SRPK2: variants seen among roughly 807,000 people sequenced by gnomAD.
SRPK2 encodes SRSF protein kinase 2.
In SRPK2, 21 loss-of-function variants were observed where a neutral mutation model predicts 90.8. That is an observed-to-expected ratio of 0.23 (90% confidence interval 0.16 to 0.33). The LOEUF is 0.33. SRPK2 is among the 10% of genes least tolerant of loss of function. The probability of loss-of-function intolerance (pLI) is 1.00; values close to 1 mark genes in which losing one functional copy is unlikely to be tolerated. For missense variants in SRPK2, 620 were observed against 869.0 expected (o/e 0.71, Z 3.60); for synonymous variants, 288 against 311.1 (o/e 0.93, Z 0.78).
chr7:105,176,557 A>ATGTGTGTGTGTGTG (rs10691783), intron 3 of SRPK2, among the ~76,000 whole-genome samples: 64 of 148,134 alleles, frequency 4.3e-4, no homozygotes, highest in African/African-American at 1.4e-3. Flanking sequence ...TTTTGCATAT[A>ATGTGTGTGTGTGTG]TGTGTGTGTG....
At chr7:105,148,716 G>C (rs1435564878) in intron 7 of SRPK2, among the ~76,000 whole-genome samples, 1 of 152,156 alleles carries the variant, frequency 6.6e-6, no homozygotes, top group Non-Finnish European at 1.5e-5. Flanking sequence ...TTTTGAAAAA[G>C]ACCTGTACTT....
chr7:105,149,508 A>G (rs1344726544), intron 7 of SRPK2, among the ~76,000 whole-genome samples: 9 of 152,166 alleles, frequency 5.9e-5, no homozygotes, highest in African/African-American at 1.9e-4. Context: ...GAACTCAGAG[A>G]CCGGTGCCGG....
chr7:105,168,145 A>G (rs1344884959), intron 4 of SRPK2, 50 bp from the exon 5 acceptor site: 2 of 1,428,138 alleles, frequency 1.4e-6, no homozygotes, highest in African/African-American at 1.4e-5. Flanking sequence ...TATCAGTAGA[A>G]AGAATCACTG....
intron 7 of SRPK2, among the ~76,000 whole-genome samples, chr7:105,155,567 C>T (rs1170344116): frequency 1.3e-5 from 2 of 151,970 alleles, no homozygotes; most frequent in East Asian, 1.9e-4. Flanking sequence ...GGGGTAGATG[C>T]CAGGGACGCT....
At chr7:105,170,794 A>AC (rs1563024498) in intron 3 of SRPK2, among the ~76,000 whole-genome samples, 6 of 74,556 alleles carry the variant, frequency 8.0e-5, no homozygotes, top group East Asian at 4.2e-4. Context: ...GGAGGGAGGG[A>AC]GGGAGGGAGG....
At chr7:105,197,552 C>T (rs190374363) in intron 3 of SRPK2, among the ~76,000 whole-genome samples, 69 of 152,224 alleles carry the variant, frequency 4.5e-4, no homozygotes, top group Middle Eastern at 6.8e-3. Context: ...AGAGAAAATG[C>T]CTTTATCCAA....
chr7:105,382,922 T>C (rs1191832434), intron 2 of SRPK2, among the ~76,000 whole-genome samples: 1 of 152,148 alleles, frequency 6.6e-6, no homozygotes, highest in Middle Eastern at 3.2e-3. Context: ...TGTCTCAATG[T>C]CAATTTATTG....
At chr7:105,316,022 AT>A (rs11330337) in intron 2 of SRPK2, among the ~76,000 whole-genome samples, 42,286 of 128,346 alleles carry the variant, frequency 0.33, 5,886 homozygotes, top group East Asian at 0.61. Flanking sequence ...TCTTTAGGTA[AT>A]TTTTTTTTTT....
At chr7:105,129,817 C>T (rs1464089642) in intron 13 of SRPK2, among the ~76,000 whole-genome samples, 1 of 152,202 alleles carries the variant, frequency 6.6e-6, no homozygotes, top group Non-Finnish European at 1.5e-5. Flanking sequence ...CTAAAACATT[C>T]TCCTATGCTG....
intron 2 of SRPK2, among the ~76,000 whole-genome samples, chr7:105,312,456 A>AAGCGGGGGTAG (rs1811825496): frequency 6.6e-6 from 1 of 151,696 alleles, no homozygotes; most frequent in South Asian, 2.1e-4. Flanking sequence ...AAAAAAAAAC[A>AAGCGGGGGTAG]AGCGGGGGTA....
intron 2 of SRPK2, among the ~76,000 whole-genome samples, chr7:105,240,606 TG>T (rs1258724093): frequency 1.3e-5 from 2 of 151,480 alleles, no homozygotes; most frequent in Non-Finnish European, 2.9e-5. Context: ...AAAAAAAAAA[TG>T]TTTTTTTAAT....
At position 105,160,593 on chromosome 7, in the gene SRPK2, C is replaced by T. The variant is rs749164237; in HGVS notation, c.535G>A (p.Val179Ile). The T allele has an allele frequency of 9.3e-6, 15 of 1,612,724 alleles. No homozygotes were observed. The highest frequency in any genetic ancestry group is 2.2e-5 in the East Asian group (1 of 44,870). Residue 179 changes from valine (V) to isoleucine (I), a missense_variant, in exon 7 of 16, where the codon GTA becomes ATA. Transcript: ENST00000393651. ...NGIHVCMVFE[V>I]LGHHLLKWII... is the part of the protein sequence containing the mutation. ...CACTTGAGGAGATGGTGGCCAAGTA[C>T]TTCGAAGACCATGCAGACATCTGGG...
chr7:105,306,324 C>T, intron 2 of SRPK2: 1 of 327,334 alleles, frequency 3.1e-6, no homozygotes, highest in African/African-American at 2.2e-5. Context: ...CCTGACGGAT[C>T]ATCTCTGAAT....
chr7:105,241,591 C>A (rs78612286), intron 2 of SRPK2, among the ~76,000 whole-genome samples: 2,372 of 152,282 alleles, frequency 0.016, 64 homozygotes, highest in African/African-American at 0.052. Flanking sequence ...AGGCAACTTT[C>A]CAGAATTTAG....
At chr7:105,311,147 C>G (rs963535511) in intron 2 of SRPK2, among the ~76,000 whole-genome samples, 4 of 152,150 alleles carry the variant, frequency 2.6e-5, no homozygotes, top group African/African-American at 9.7e-5. Flanking sequence ...CATCATATAT[C>G]TGATAAGGGT....
At chr7:105,300,047 G>A (rs1467856054) in intron 2 of SRPK2, among the ~76,000 whole-genome samples, 1 of 151,712 alleles carries the variant, frequency 6.6e-6, no homozygotes, top group Non-Finnish European at 1.5e-5. Flanking sequence ...TAATTCAAAT[G>A]TACAAATTAA....
intron 2 of SRPK2, among the ~76,000 whole-genome samples, chr7:105,386,245 C>T (rs184621396): frequency 0.035 from 4,979 of 144,172 alleles, 123 homozygotes; most frequent in Non-Finnish European, 0.05. Flanking sequence ...ATTCGGGAGG[C>T]GGAGCTTGCA....
intron 2 of SRPK2, among the ~76,000 whole-genome samples, chr7:105,290,526 A>C: frequency 6.6e-6 from 1 of 152,164 alleles, no homozygotes; most frequent in Non-Finnish European, 1.5e-5. Context: ...AAAAACCACA[A>C]TATTAGCAAA....
intron 3 of SRPK2, among the ~76,000 whole-genome samples, chr7:105,181,896 ACAGAAAAC>A (rs375913205): frequency 3.6e-5 from 3 of 83,288 alleles, no homozygotes; most frequent in Admixed American, 1.1e-4. Context: ...AAAAAAAAAA[ACAGAAAAC>A]ACACACACAA....
Sources: allele counts gnomAD v4.1 joint callset (sites outside exome capture counted in the v4.1 genomes callset), GRCh38; gene constraint gnomAD v4.1.1; transcripts MANE v1.5; gene names NCBI Gene and HGNC (gene_info 2026-07-23, HGNC 2026-07-21).